The following ST6GAL1 variants were observed in gnomAD, a reference collection of about 807,000 sequenced individuals.
ST6GAL1 encodes ST6 beta-galactoside alpha-2,6-sialyltransferase 1.
In ST6GAL1, 20 loss-of-function variants were observed where a neutral mutation model predicts 38.0. The ratio of observed to expected loss-of-function variants is 0.53; its 90% confidence interval spans 0.37 to 0.77. The LOEUF is 0.77. ST6GAL1 is among the 30% of genes least tolerant of loss of function. The probability of loss-of-function intolerance (pLI) is 0.00; values close to 1 mark genes in which losing one functional copy is unlikely to be tolerated. For missense variants in ST6GAL1, 432 were observed against 496.4 expected (o/e 0.87, Z 1.23); for synonymous variants, 196 against 188.2 (o/e 1.04, Z -0.34).
intron 2 of ST6GAL1, among the ~76,000 whole-genome samples, chr3:187,014,053 C>T (rs1252628688): frequency 6.6e-6 from 1 of 152,238 alleles, no homozygotes; most frequent in Admixed American, 6.5e-5. Context: ...TCCCCTGCTT[C>T]CTGGCAGGTA....
chr3:187,005,669 A>G (rs748090232), intron 2 of ST6GAL1, among the ~76,000 whole-genome samples: 2 of 152,150 alleles, frequency 1.3e-5, no homozygotes, highest in African/African-American at 2.4e-5. Flanking sequence ...ATATTTTAAA[A>G]TCTTGTTTAT....
rs184338778 is a variant in ST6GAL1 at position 187,048,722 on chromosome 3, C to T, written c.608-2527C>T. Among the ~76,000 whole-genome samples, 5 of 152,146 alleles carry T rather than the reference C, an allele frequency of 3.3e-5. No homozygotes were observed. In the South Asian group the frequency reaches 8.3e-4, roughly 25 times the overall value. The stretch of plus-strand genomic sequence containing the variant: ...CTGTGCCTGGCATAGAGTAGGTGCT[C>T]AATCAGTATTTGTTGACTGAACAAA... On this transcript the variant is annotated intron_variant, in intron 4 of 7. Transcript: ENST00000169298.
chr3:187,010,986 T>C (rs1047109161), intron 2 of ST6GAL1, among the ~76,000 whole-genome samples: 2 of 152,212 alleles, frequency 1.3e-5, no homozygotes, highest in African/African-American at 4.8e-5. Flanking sequence ...ACTTTGAGCG[T>C]TAGCTGTCTC....
intron 2 of ST6GAL1, among the ~76,000 whole-genome samples, chr3:187,031,875 G>A (rs1234126175): frequency 6.6e-6 from 1 of 152,230 alleles, no homozygotes. Context: ...CAGGTAGCTG[G>A]TGAAAGGCAG....
intron 1 of ST6GAL1, among the ~76,000 whole-genome samples, chr3:186,953,155 A>T (rs890894667): frequency 1.3e-5 from 2 of 152,144 alleles, no homozygotes; most frequent in Admixed American, 6.5e-5. Context: ...CAGTAACCAG[A>T]GTGATCATTT....
intron 1 of ST6GAL1, among the ~76,000 whole-genome samples, chr3:186,946,106 G>A (rs933160241): frequency 6.6e-6 from 1 of 151,892 alleles, no homozygotes; most frequent in African/African-American, 2.4e-5. Flanking sequence ...AGGAGTTCGA[G>A]CCCAGCCTAA....
At chr3:187,014,494 G>A (rs1040588710) in intron 2 of ST6GAL1, among the ~76,000 whole-genome samples, 1 of 152,242 alleles carries the variant, frequency 6.6e-6, no homozygotes, top group Non-Finnish European at 1.5e-5. Context: ...GGCCAGCACT[G>A]GGGTGAGGTG....
chr3:187,041,065 G>A (rs1270611448), intron 3 of ST6GAL1, among the ~76,000 whole-genome samples: 1 of 151,670 alleles, frequency 6.6e-6, no homozygotes, highest in Non-Finnish European at 1.5e-5. Flanking sequence ...CCCAGGCTGA[G>A]CTGCTGCTCT....
At chr3:187,034,512 CA>C in intron 2 of ST6GAL1, among the ~76,000 whole-genome samples, 1 of 152,240 alleles carries the variant, frequency 6.6e-6, no homozygotes, top group Non-Finnish European at 1.5e-5. Flanking sequence ...CTCAACAAAA[CA>C]CTAGCATACC....
At chr3:186,942,160 C>G (rs1714201286) in intron 1 of ST6GAL1, among the ~76,000 whole-genome samples, 1 of 152,114 alleles carries the variant, frequency 6.6e-6, no homozygotes. Context: ...CAAACTAGAA[C>G]TAAAGGGGTG....
At chr3:187,021,664 C>T (rs930716400) in intron 2 of ST6GAL1, among the ~76,000 whole-genome samples, 10 of 150,880 alleles carry the variant, frequency 6.6e-5, no homozygotes, top group Non-Finnish European at 7.4e-5. Context: ...TTGCTTGAAC[C>T]CGGGAGGCAG....
At chr3:186,999,970 T>C (rs550249048) in intron 2 of ST6GAL1, among the ~76,000 whole-genome samples, 6 of 152,218 alleles carry the variant, frequency 3.9e-5, no homozygotes, top group Non-Finnish European at 8.8e-5. Flanking sequence ...CCTGAGTAGC[T>C]GGGACTATAG....
chr3:186,954,349 T>C (rs1714678574), intron 1 of ST6GAL1, among the ~76,000 whole-genome samples: 1 of 152,220 alleles, frequency 6.6e-6, no homozygotes. Context: ...ATATACTCAG[T>C]AATGGGATTG....
intron 6 of ST6GAL1, 115 bp from the exon 7 acceptor site, chr3:187,074,044 G>C: frequency 2.1e-6 from 2 of 963,276 alleles, no homozygotes; most frequent in Non-Finnish European, 3.0e-6. Context: ...TGTGCCTCAG[G>C]AGCAACACTT....
At chr3:187,028,195 G>C (rs1235899738) in intron 2 of ST6GAL1, among the ~76,000 whole-genome samples, 1 of 152,130 alleles carries the variant, frequency 6.6e-6, no homozygotes, top group Non-Finnish European at 1.5e-5. Flanking sequence ...GAGAAATGAG[G>C]TCAAGAGGTT....
intron 5 of ST6GAL1, among the ~76,000 whole-genome samples, chr3:187,066,316 G>A (rs1353647305): frequency 1.3e-5 from 2 of 152,214 alleles, no homozygotes; most frequent in East Asian, 3.9e-4. Context: ...GTCTTCACAT[G>A]GCTTTTCCTC....
At position 186,980,175 on chromosome 3, in the gene ST6GAL1, C is replaced by T. The variant is rs187691420; in HGVS notation, c.-183+16249C>T. 2.5e-3 allele frequency among the ~76,000 whole-genome samples: 377 copies of T among 152,264 alleles called. 3 individuals carry two copies. The highest frequency in any genetic ancestry group is 4.6e-3 in the Admixed American group (71 of 15,290). On this transcript the variant is annotated intron_variant, in intron 2 of 7. Coordinates refer to ENST00000169298, the MANE Select transcript of ST6GAL1 (RefSeq NM_173216.2). ...CAATTTGCCTGATCCTAAGAATCAC[C>T]TGAGACTCTTGTTAAAAGAGCAATT...
At chr3:187,033,257 C>T (rs755390046) in intron 2 of ST6GAL1, among the ~76,000 whole-genome samples, 1 of 152,104 alleles carries the variant, frequency 6.6e-6, no homozygotes, top group Non-Finnish European at 1.5e-5. Flanking sequence ...CTACTAAAAA[C>T]AAGTATTAGC....
intron 1 of ST6GAL1, among the ~76,000 whole-genome samples, chr3:186,955,356 C>A (rs1315508513): frequency 6.6e-6 from 1 of 151,976 alleles, no homozygotes; most frequent in Non-Finnish European, 1.5e-5. Flanking sequence ...AGTTTTTTTT[C>A]TAATTCTGTG....
Sources: gnomAD v4.1 joint callset for allele counts (sites outside exome capture counted in the v4.1 genomes callset) on GRCh38, gnomAD v4.1.1 for gene constraint, MANE v1.5 for transcripts, NCBI Gene and HGNC (gene_info 2026-07-23, HGNC 2026-07-21) for gene names.